The following TMEM245 variants were observed in gnomAD, a reference collection of about 807,000 sequenced individuals.
TMEM245 encodes the protein transmembrane protein 245, also known as protein CG-2.
A neutral mutation model predicts 101.2 loss-of-function variants in TMEM245; 69 were observed. The ratio of observed to expected loss-of-function variants is 0.68; its 90% CI spans 0.56 to 0.83. TMEM245 has a LOEUF of 0.83. Ranked by LOEUF, TMEM245 falls within the 40% of genes least tolerant of loss-of-function variation. The pLI is 0.00. For synonymous variants in TMEM245, 537 were observed against 449.8 expected (o/e 1.19, Z -2.45); for missense variants, 1,075 against 1,092.8 (o/e 0.98, Z 0.23).
intron 14 of TMEM245, among the ~76,000 whole-genome samples, chr9:109,044,060 A>T (rs1828399558): frequency 6.6e-6 from 1 of 152,172 alleles, no homozygotes; most frequent in African/African-American, 2.4e-5. Flanking sequence ...GCTTGAATTG[A>T]CTTCAAATGA....
intron 17 of TMEM245, among the ~76,000 whole-genome samples, chr9:109,020,838 A>G (rs187394348): frequency 1.8e-3 from 268 of 152,322 alleles, no homozygotes; most frequent in African/African-American, 6.2e-3. Flanking sequence ...CAGCTCTTCC[A>G]CCTTGTTACT....
chr9:109,056,729 G>C (rs1828850307), intron 12 of TMEM245, among the ~76,000 whole-genome samples: 1 of 152,172 alleles, frequency 6.6e-6, no homozygotes, highest in African/African-American at 2.4e-5. Context: ...AATTCTACAT[G>C]CAAGACACCA....
intron 3 of TMEM245, among the ~76,000 whole-genome samples, chr9:109,101,971 T>C (rs933792768): frequency 2.0e-5 from 3 of 152,076 alleles, no homozygotes; most frequent in African/African-American, 4.8e-5. Context: ...TATATTCTTA[T>C]AACAATTACT....
chr9:109,087,406 G>A, intron 5 of TMEM245, 64 bp from the exon 6 acceptor site: 1 of 1,428,722 alleles, frequency 7.0e-7, no homozygotes. Flanking sequence ...AACATGAAAA[G>A]GTACCTTAAT....
intron 9 of TMEM245, among the ~76,000 whole-genome samples, chr9:109,066,458 A>AAAAAT (rs1829168993): frequency 7.4e-6 from 1 of 134,800 alleles, no homozygotes; most frequent in African/African-American, 2.5e-5. Context: ...GTCTCAAAAA[A>AAAAAT]AAAAAAAAAA....
chr9:109,060,267 C>T, intron 11 of TMEM245, 87 bp downstream of exon 11: 3 of 937,326 alleles, frequency 3.2e-6, no homozygotes, highest in Non-Finnish European at 4.8e-6. Context: ...AATGAAATCC[C>T]ACTGTGAATA....
At chr9:109,106,999 C>T (rs948534685) in intron 2 of TMEM245, among the ~76,000 whole-genome samples, 1 of 151,450 alleles carries the variant, frequency 6.6e-6, no homozygotes, top group African/African-American at 2.4e-5. Context: ...CTTGAAAATA[C>T]CACCGGGCGT....
At chr9:109,064,675 T>A in intron 9 of TMEM245, 108 bp from the exon 10 acceptor site, 1 of 847,212 alleles carries the variant, frequency 1.2e-6, no homozygotes, top group Non-Finnish European at 1.9e-6. Context: ...CTGTTGATCA[T>A]TCACCAATAC....
chr9:109,092,322 TC>T (rs1325065413), intron 4 of TMEM245, among the ~76,000 whole-genome samples: 1 of 11,732 alleles, frequency 8.5e-5, no homozygotes, highest in Non-Finnish European at 1.3e-4. Context: ...TATCATAATT[TC>T]CTTAAGTGTT....
intron 3 of TMEM245, among the ~76,000 whole-genome samples, chr9:109,105,314 C>A (rs895365357): frequency 1.3e-5 from 2 of 152,186 alleles, no homozygotes; most frequent in Non-Finnish European, 2.9e-5. Flanking sequence ...TACCACTTCA[C>A]ACCCACTGGA....
chr9:109,059,508 T>C (rs1427895870), intron 11 of TMEM245, among the ~76,000 whole-genome samples: 1 of 151,992 alleles, frequency 6.6e-6, no homozygotes, highest in Non-Finnish European at 1.5e-5. Flanking sequence ...GGCAAAACCC[T>C]GTCTCTACAA....
At chr9:109,074,207 C>G (rs555877892) in intron 8 of TMEM245, among the ~76,000 whole-genome samples, 50 of 152,170 alleles carry the variant, frequency 3.3e-4, no homozygotes, top group African/African-American at 1.2e-3. Context: ...AGAAGCTGCA[C>G]CTCTGAATTT....
intron 8 of TMEM245, 89 bp from the exon 9 acceptor site, chr9:109,073,527 C>T (rs1829397474): frequency 3.1e-6 from 3 of 960,690 alleles, no homozygotes; most frequent in Non-Finnish European, 4.7e-6. Context: ...TGGAACAATG[C>T]TTTGAGAGCC....
chr9:109,026,297 A>G (rs185482350), intron 17 of TMEM245, among the ~76,000 whole-genome samples: 256 of 152,324 alleles, frequency 1.7e-3, no homozygotes, highest in African/African-American at 5.9e-3. Context: ...CACTACAAAA[A>G]AAAAAGTACA....
intron 8 of TMEM245, among the ~76,000 whole-genome samples, chr9:109,076,530 TAAAA>T (rs149968007): frequency 2.6e-5 from 4 of 151,176 alleles, no homozygotes; most frequent in African/African-American, 4.9e-5. Flanking sequence ...TAAAGTATAA[TAAAA>T]AAAAAGTTAA....
intron 9 of TMEM245, among the ~76,000 whole-genome samples, chr9:109,071,013 C>G (rs1231114863): frequency 6.6e-6 from 1 of 152,096 alleles, no homozygotes; most frequent in Non-Finnish European, 1.5e-5. Context: ...TCCCAAGTAC[C>G]TGGGATTACA....
At chr9:109,071,436 C>G (rs1344336114) in intron 9 of TMEM245, among the ~76,000 whole-genome samples, 1 of 151,092 alleles carries the variant, frequency 6.6e-6, no homozygotes, top group Non-Finnish European at 1.5e-5. Flanking sequence ...TGGTGAAACT[C>G]CTACAAAAAA....
rs117705602 is a variant in TMEM245 at position 109,078,896 on chromosome 9, T to C, written c.1449+1943A>G. ...TGCTTATTACATGTCTGCTAGATGTTTGATATTGTCCCACAGGTGTCTGAG... is the reference window on the plus strand; with the variant it reads ...TGCTTATTACATGTCTGCTAGATGTCTGATATTGTCCCACAGGTGTCTGAG... On this transcript the variant is annotated intron_variant, in intron 8 of 17. Transcript: ENST00000374586. Among the ~76,000 whole-genome samples, 1,391 of 152,320 alleles carry C rather than the reference T, an allele frequency of 9.1e-3. 10 individuals are homozygous for C. The highest frequency in any genetic ancestry group is 0.013 in the Non-Finnish European group (905 of 68,018).
chr9:109,037,340 G>A (rs1828160208), intron 15 of TMEM245, among the ~76,000 whole-genome samples: 1 of 152,194 alleles, frequency 6.6e-6, no homozygotes, highest in Admixed American at 6.5e-5. Flanking sequence ...TTATGTCCTA[G>A]GTGTTATGCT....
Sources: gnomAD v4.1 joint callset for allele counts (sites outside exome capture counted in the v4.1 genomes callset) on GRCh38, gnomAD v4.1.1 for gene constraint, MANE v1.5 for transcripts, NCBI Gene and HGNC (gene_info 2026-07-23, HGNC 2026-07-21) for gene names.